MARK4: variants seen among roughly 807,000 people sequenced by gnomAD.
MARK4 encodes MAP/microtubule affinity-regulating kinase 4.
MARK4 carries 19 observed loss-of-function variants against 81.5 expected under a neutral mutation model. The observed-to-expected ratio is 0.23, with a 90% CI of 0.16 to 0.34. The LOEUF is 0.34. Among genes scored for constraint, MARK4 ranks in the 10% least tolerant of loss-of-function variants. The pLI is 1.00. For missense variants in MARK4, 772 were observed against 1,058.8 expected (o/e 0.73, Z 3.76); for synonymous variants, 436 against 439.0 (o/e 0.99, Z 0.08).
At position 45,251,539 on chromosome 19, in the gene MARK4, A is replaced by ACCCCCCCCCCCCCCC; in HGVS notation, c.-45_-44insCCCCCCCCCCCCCCC. The ACCCCCCCCCCCCCCC allele has an allele frequency of 3.8e-6, 1 of 263,200 alleles. No homozygotes were observed. Among genetic ancestry groups the ACCCCCCCCCCCCCCC allele is most frequent in the Non-Finnish European group, 7.3e-6 (1 of 137,132 alleles). The allele number at this position is 263,200 out of a possible 1,614,324, so 16.3% of individuals were successfully genotyped here. The stretch of plus-strand genomic sequence containing the variant: ...GGAGGGGAAGAGAGGGGACCCTGGG[A>ACCCCCCCCCCCCCCC]CCCCCGCCCCCCCCACCCGGCCGCC... On this transcript the variant is annotated 5_prime_UTR_variant, in exon 1 of 17. Coordinates refer to ENST00000262891, the MANE Select transcript of MARK4 (RefSeq NM_001199867.2).
intron 1 of MARK4, among the ~76,000 whole-genome samples, chr19:45,255,921 G>A (rs1970302438): frequency 6.6e-6 from 1 of 152,250 alleles, no homozygotes; most frequent in Non-Finnish European, 1.5e-5. Flanking sequence ...CTTCCAATCA[G>A]GCCAGGGCAG....
At chr19:45,291,636 G>A (rs1599800637) in intron 13 of MARK4, among the ~76,000 whole-genome samples, 1 of 152,188 alleles carries the variant, frequency 6.6e-6, no homozygotes, top group Non-Finnish European at 1.5e-5. Context: ...CAAAAAATTA[G>A]CCGGGCTTGG....
At position 45,287,552 on chromosome 19, in the gene MARK4, C is replaced by A; in HGVS notation, c.1382C>A (p.Thr461Asn). The change falls in exon 13 of 17, where the codon ACC (threonine) becomes AAC (asparagine). Residue 461 changes from threonine to asparagine, a missense_variant. Physicochemically the swap from Thr to Asn is moderately conservative, Grantham distance 65. Coordinates refer to ENST00000262891, the MANE Select transcript of MARK4 (RefSeq NM_001199867.2). ...CCAGGCCGGAAGGCGAGCTGCAGCA[C>A]CGCGGGGAGTGGGAGTCGAGGGCTG... ...RLPGRKASCSTAGSGSRGLPP... is the reference protein window; with the variant it reads ...RLPGRKASCSNAGSGSRGLPP... 6.3e-7 allele frequency: 1 copy of A among 1,589,846 alleles called. No homozygotes were observed.
chr19:45,257,674 C>A (rs1225263834), intron 1 of MARK4, among the ~76,000 whole-genome samples: 1 of 143,748 alleles, frequency 7.0e-6, no homozygotes, highest in Admixed American at 7.0e-5. Context: ...TGAGCCACCT[C>A]GCCTGGCCCA....
chr19:45,297,660 C>G lies in MARK4; in HGVS notation c.1599-16C>G. The G allele has an allele frequency of 6.6e-7, 1 of 1,504,932 alleles. No homozygotes were observed. The highest frequency in any genetic ancestry group is 1.4e-5 in the African/African-American group (1 of 71,638). The allele number at this position is 1,504,932 out of a possible 1,614,324, so 93.2% of individuals were successfully genotyped here. A position where few individuals can be genotyped will look rare whatever the true frequency, so the allele number is the denominator to read the frequency against. On this transcript the variant is annotated splice_polypyrimidine_tract_variant and intron_variant, in intron 14 of 16. Coordinates refer to ENST00000262891, the MANE Select transcript of MARK4 (RefSeq NM_001199867.2). ...GCCTCAGTCCCCCACCCTGACTTGT[C>G]TGTCTCTGCCCACAGCTCAGGCACC...
chr19:45,290,183 A>G (rs958289714), intron 13 of MARK4, among the ~76,000 whole-genome samples: 2 of 152,230 alleles, frequency 1.3e-5, no homozygotes, highest in African/African-American at 4.8e-5. Flanking sequence ...ACTTCTTCTT[A>G]GTGCTCTTGG....
At position 45,266,390 on chromosome 19, in the gene MARK4, C is replaced by T. The variant is rs371332240; in HGVS notation, c.549+109C>T. On this transcript the variant is annotated intron_variant, in intron 7 of 16. Transcript: ENST00000262891. ...TGGCCTCCAGCAAATTCCTCCAGCCCTTTTCTCCTCCTGCTCTTCCCTCCA... is the reference window on the plus strand; with the variant it reads ...TGGCCTCCAGCAAATTCCTCCAGCCTTTTTCTCCTCCTGCTCTTCCCTCCA... The T allele has an allele frequency of 3.9e-6, 4 of 1,020,386 alleles. No individual in the cohort carries two copies. In the African/African-American group the frequency reaches 4.7e-5, roughly 12 times the overall value. 63.2% of individuals were successfully genotyped at this position (1,020,386 alleles called of 1,614,324 possible).
At chr19:45,254,191 C>T (rs1036671276) in intron 1 of MARK4, among the ~76,000 whole-genome samples, 5 of 152,194 alleles carry the variant, frequency 3.3e-5, no homozygotes, top group Admixed American at 2.0e-4. Context: ...GCAACAGTCC[C>T]GGGTGTTGGG....
At chr19:45,268,900 C>T (rs1188441304) in intron 7 of MARK4, among the ~76,000 whole-genome samples, 1 of 152,196 alleles carries the variant, frequency 6.6e-6, no homozygotes, top group Non-Finnish European at 1.5e-5. Flanking sequence ...CCACACGGCC[C>T]TGGAGGCAGC....
intron 7 of MARK4, among the ~76,000 whole-genome samples, chr19:45,270,076 C>T (rs976083704): frequency 6.6e-5 from 10 of 152,154 alleles, no homozygotes; most frequent in Non-Finnish European, 1.3e-4. Flanking sequence ...GATCTGCCTG[C>T]CTTGGCCTCC....
intron 8 of MARK4, among the ~76,000 whole-genome samples, chr19:45,277,339 A>G (rs558928376): frequency 6.6e-6 from 1 of 152,200 alleles, no homozygotes; most frequent in East Asian, 1.9e-4. Context: ...CGGCCTCCCA[A>G]AGTGCTGGGA....
intron 12 of MARK4, among the ~76,000 whole-genome samples, chr19:45,281,772 A>C (rs1217049296): frequency 6.6e-6 from 1 of 152,184 alleles, no homozygotes; most frequent in African/African-American, 2.4e-5. Flanking sequence ...GGGGCACAGG[A>C]GGACACGTTG....
chr19:45,294,231 G>A, intron 13 of MARK4, 118 bp from the exon 14 acceptor site: 2 of 883,396 alleles, frequency 2.3e-6, no homozygotes, highest in Non-Finnish European at 3.6e-6. Context: ...TACTCACCCT[G>A]GGTTCCCACA....
At chr19:45,258,385 G>A (rs1202214192) in intron 1 of MARK4, among the ~76,000 whole-genome samples, 1 of 152,026 alleles carries the variant, frequency 6.6e-6, no homozygotes, top group Non-Finnish European at 1.5e-5. Context: ...AACCAAACTT[G>A]CGATATCTCT....
Position 45,271,534 on chromosome 19 carries a change from C to T in MARK4, c.612C>T (p.Asn204=), listed in dbSNP as rs763909708. 39 of 1,614,112 alleles carry T rather than the reference C, an allele frequency of 2.4e-5. No individual in the cohort carries two copies. Among genetic ancestry groups the T allele is most frequent in the East Asian group, 1.6e-4 (7 of 44,894 alleles). The change falls in exon 8 of 17, where the codon AAC becomes AAT. Residue 204 remains asparagine (N), a synonymous_variant. Transcript: ENST00000262891. This position sits in a 1 kb window ranked among gnomAD's most constrained non-coding sequence, Gnocchi z 4.1. ...NIKIADFGFS[N]EFTLGSKLDT... is the part of the protein sequence containing the mutation. ...AGATTGCTGACTTTGGCTTCAGCAA[C>T]GAGTTCACGCTGGGATCGAAGCTGG...
intron 13 of MARK4, among the ~76,000 whole-genome samples, chr19:45,292,918 G>T (rs562082808): frequency 7.9e-5 from 12 of 152,014 alleles, no homozygotes; most frequent in Admixed American, 7.9e-4. Flanking sequence ...AATCAGTGAA[G>T]GAGAAAGAAG....
intron 16 of MARK4, among the ~76,000 whole-genome samples, chr19:45,300,370 AGC>A (rs1970953129): frequency 7.5e-6 from 1 of 134,110 alleles, no homozygotes; most frequent in Non-Finnish European, 1.6e-5. Flanking sequence ...AAAAAAAAAA[AGC>A]CTCATCCCAT....
intron 2 of MARK4, 91 bp downstream of exon 2, chr19:45,259,280 T>A: frequency 6.9e-7 from 1 of 1,451,578 alleles, no homozygotes; most frequent in African/African-American, 1.4e-5. Flanking sequence ...TGGCCCTGGG[T>A]TTGCTTTGTG....
intron 13 of MARK4, among the ~76,000 whole-genome samples, chr19:45,292,484 A>G (rs1377589403): frequency 6.6e-6 from 1 of 152,220 alleles, no homozygotes; most frequent in Non-Finnish European, 1.5e-5. Flanking sequence ...TACTTCACAT[A>G]CTGGCACAGT....
Sources: allele counts gnomAD v4.1 joint callset (sites outside exome capture counted in the v4.1 genomes callset), GRCh38; gene constraint gnomAD v4.1.1; non-coding constraint Gnocchi (gnomAD v3.1); transcripts MANE v1.5; gene names NCBI Gene and HGNC (gene_info 2026-07-23, HGNC 2026-07-21).